Variants in CHAF1A observed in about 807,000 individuals in gnomAD.
The protein encoded by CHAF1A is chromatin assembly factor 1 subunit A.
In CHAF1A, 5 loss-of-function variants were observed where a neutral mutation model predicts 93.2. The observed-to-expected ratio is 0.05, with a 90% confidence interval of 0.03 to 0.11. The LOEUF (loss-of-function observed/expected upper bound fraction) is 0.11, where lower values mean the gene tolerates loss of function less well. CHAF1A is among the 10% of genes least tolerant of loss of function. The probability of loss-of-function intolerance (pLI) is 1.00; values close to 1 mark genes in which losing one functional copy is unlikely to be tolerated. For missense variants in CHAF1A, 1,102 were observed against 1,259.9 expected, an observed-to-expected ratio of 0.87 and a Z score of 1.90; for synonymous variants, 504 against 510.3, an observed-to-expected ratio of 0.99 and a Z score of 0.17.
chr19:4,440,874 C>CT (rs1974374341), intron 13 of CHAF1A, among the ~76,000 whole-genome samples: 2 of 152,098 alleles, frequency 1.3e-5, no homozygotes, highest in Non-Finnish European at 2.9e-5. Context: ...AATCCCAGCA[C>CT]TTTGGGAGGC....
Position 4,430,607 on chromosome 19 carries a change from A to T in CHAF1A, c.1913A>T (p.His638Leu). 1 of 1,613,474 alleles carries T rather than the reference A, an allele frequency of 6.2e-7. No homozygotes were observed. Among genetic ancestry groups the T allele is most frequent in the Non-Finnish European group, 8.5e-7 (1 of 1,179,888 alleles). The change falls in exon 11 of 15, where the codon CAT becomes CTT. Residue 638 changes from histidine (H) to leucine (L), a missense_variant. Physicochemically the swap from His to Leu is moderately conservative, Grantham distance 99. Around this residue, in one of 6 missense-constraint regions of CHAF1A, gnomAD observed 335 missense variants for 361.9 expected, o/e 0.93. Coordinates refer to ENST00000301280, the MANE Select transcript of CHAF1A (RefSeq NM_005483.3). ...EDEDDGFFVP[H>L]GYLSEDEGVT... ...GAGGACGATGGTTTCTTTGTGCCCC[A>T]TGGGTACCTGTCTGAGGACGAAGGT...
intron 12 of CHAF1A, among the ~76,000 whole-genome samples, chr19:4,432,745 G>A (rs1974208576): frequency 7.1e-6 from 1 of 141,076 alleles, no homozygotes; most frequent in Non-Finnish European, 1.5e-5. Flanking sequence ...GGGTGACAGA[G>A]CAAGACCCTG....
chr19:4,446,895 G>T, downstream of CHAF1A: 1 of 1,613,998 alleles, frequency 6.2e-7, no homozygotes, highest in Non-Finnish European at 8.5e-7. Flanking sequence ...AAACTCGTGG[G>T]TCCCTTCCAG....
chr19:4,434,539 C>T (rs558913975), intron 13 of CHAF1A, among the ~76,000 whole-genome samples: 1 of 152,292 alleles, frequency 6.6e-6, no homozygotes, highest in South Asian at 2.1e-4. Context: ...AATCACCAAC[C>T]TCTCTATCTC....
intron 7 of CHAF1A, among the ~76,000 whole-genome samples, chr19:4,426,826 T>C (rs1219831311): frequency 2.0e-5 from 3 of 152,078 alleles, no homozygotes; most frequent in African/African-American, 7.2e-5. Context: ...TGCGGTGGCT[T>C]ATGCCTGTAA....
At chr19:4,418,935 T>C (rs1003187101) in intron 4 of CHAF1A, among the ~76,000 whole-genome samples, 1 of 151,572 alleles carries the variant, frequency 6.6e-6, no homozygotes, top group African/African-American at 2.4e-5. Context: ...CGATCTCGGC[T>C]CACTGCAACC....
chr19:4,436,552 G>T (rs1020903785), intron 13 of CHAF1A, among the ~76,000 whole-genome samples: 2 of 152,186 alleles, frequency 1.3e-5, no homozygotes, highest in Non-Finnish European at 1.5e-5. Context: ...AGAGGGAACC[G>T]GAGCTCCCCA....
intron 12 of CHAF1A, 25 bp downstream of exon 12, chr19:4,432,232 C>T (rs1295698413): frequency 3.8e-6 from 6 of 1,572,290 alleles, no homozygotes; most frequent in African/African-American, 1.4e-5. Flanking sequence ...GGCCAGGCCA[C>T]CCACCTGTTC....
chr19:4,428,598 G>A (rs1451943340), intron 7 of CHAF1A, 66 bp from the exon 8 acceptor site: 18 of 1,364,560 alleles, frequency 1.3e-5, no homozygotes, highest in Non-Finnish European at 1.7e-5. Flanking sequence ...ACCCTGCTGT[G>A]TGCGTCCATG....
chr19:4,445,473 G>A, downstream of CHAF1A: 2 of 1,613,534 alleles, frequency 1.2e-6, no homozygotes, highest in Non-Finnish European at 1.7e-6. Flanking sequence ...AGACCCACAG[G>A]GCTGAGGCCA....
At position 4,442,370 on chromosome 19, in the gene CHAF1A, A is replaced by C. The variant is rs143762572; in HGVS notation, c.2770+29A>C. 386 of 1,536,372 alleles carry C rather than the reference A, an allele frequency of 2.5e-4. 4 individuals are homozygous for C. The East Asian group carries it at 8.2e-3, about 33-fold the overall frequency. ...AGAAGGGCTGTAGATAGCAGAACGCACTGGTGAGGTGGGCGCTGGAGGTAA... is the reference window on the plus strand; with the variant it reads ...AGAAGGGCTGTAGATAGCAGAACGCCCTGGTGAGGTGGGCGCTGGAGGTAA... On this transcript the variant is annotated intron_variant, in intron 14 of 14. Transcript: ENST00000301280.
downstream of CHAF1A, chr19:4,445,952 G>C (rs533707283): frequency 4.0e-5 from 60 of 1,498,914 alleles, no homozygotes; most frequent in Middle Eastern, 6.0e-4. Context: ...CCCCTGCTCT[G>C]AGAACAAGGA....
At chr19:4,408,113 C>T (rs1435708214) in intron 2 of CHAF1A, among the ~76,000 whole-genome samples, 1 of 151,186 alleles carries the variant, frequency 6.6e-6, no homozygotes, top group Non-Finnish European at 1.5e-5. Context: ...CTCAAGCGAT[C>T]CTCCTGCCTC....
At chr19:4,445,874 G>T (rs538122751), downstream of CHAF1A, 81 of 1,140,730 alleles carry the variant, frequency 7.1e-5, no homozygotes, top group Non-Finnish European at 9.8e-5. Context: ...GAGTAGTTAT[G>T]AACTTGCTCG....
Sources: gnomAD v4.1 joint callset for allele counts (sites outside exome capture counted in the v4.1 genomes callset) on GRCh38, gnomAD v4.1.1 for gene constraint, gnomAD v4.1.1 regional missense constraint, MANE v1.5 for transcripts, NCBI Gene and HGNC (gene_info 2026-07-23, HGNC 2026-07-21) for gene names.